Variants in ZFPM2 observed in about 807,000 individuals in gnomAD.
ZFPM2 encodes zinc finger protein ZFPM2.
Under a neutral mutation model 98.6 loss-of-function variants are expected in ZFPM2, and 20 were observed. That is an observed-to-expected ratio of 0.20 (90% CI 0.14 to 0.29). The LOEUF is 0.29. ZFPM2 is among the 10% of genes least tolerant of loss of function. The pLI is 1.00. For missense variants in ZFPM2, 1,310 were observed against 1,388.6 expected, an observed-to-expected ratio of 0.94 and a Z score of 0.90; for synonymous variants, 518 against 502.7, an observed-to-expected ratio of 1.03 and a Z score of -0.41.
At chr8:105,748,163 G>T (rs1043907802) in intron 5 of ZFPM2, among the ~76,000 whole-genome samples, 13 of 152,012 alleles carry the variant, frequency 8.6e-5, no homozygotes, top group Non-Finnish European at 1.8e-4. Context: ...TATGATAAAA[G>T]TTGGAAAGGA....
chr8:105,739,795 T>C (rs1472482703), intron 5 of ZFPM2, among the ~76,000 whole-genome samples: 1 of 151,900 alleles, frequency 6.6e-6, no homozygotes, highest in Admixed American at 6.6e-5. Flanking sequence ...TTAGGAGTAT[T>C]TCAAAAATGG....
chr8:105,405,811 G>A (rs1037514422), intron 1 of ZFPM2, among the ~76,000 whole-genome samples: 1 of 151,968 alleles, frequency 6.6e-6, no homozygotes, highest in Non-Finnish European at 1.5e-5. Flanking sequence ...GGGATGGCTG[G>A]GTCAAATGGT....
chr8:105,725,022 T>A (rs1811775251), intron 5 of ZFPM2, among the ~76,000 whole-genome samples: 1 of 151,858 alleles, frequency 6.6e-6, no homozygotes, highest in African/African-American at 2.4e-5. Flanking sequence ...CACATTTTTT[T>A]ATCTGCCTTT....
At chr8:105,696,254 C>T (rs1403480094) in intron 5 of ZFPM2, among the ~76,000 whole-genome samples, 2 of 152,184 alleles carry the variant, frequency 1.3e-5, no homozygotes, top group Non-Finnish European at 2.9e-5. Flanking sequence ...AGGTCGTATC[C>T]TGGGCAGTGA....
At chr8:105,719,892 T>G (rs1811616768) in intron 5 of ZFPM2, among the ~76,000 whole-genome samples, 1 of 151,916 alleles carries the variant, frequency 6.6e-6, no homozygotes, top group African/African-American at 2.4e-5. Context: ...CAAATTAAAT[T>G]TAACAGCCTT....
chr8:105,731,623 T>C (rs1811941727), intron 5 of ZFPM2, among the ~76,000 whole-genome samples: 2 of 151,490 alleles, frequency 1.3e-5, no homozygotes, highest in Admixed American at 6.6e-5. Context: ...TTACTGTAAA[T>C]AGAAAGTTTA....
chr8:105,393,337 C>CTGTCTTTCTTTCTTTCTTTCTTT (rs1554600680), intron 1 of ZFPM2, among the ~76,000 whole-genome samples: 27 of 114,844 alleles, frequency 2.4e-4, no homozygotes, highest in African/African-American at 8.3e-4. Context: ...TCTCTCTTTG[C>CTGTCTTTCTTTCTTTCTTTCTTT]CTTTCTTTCT....
intron 3 of ZFPM2, among the ~76,000 whole-genome samples, chr8:105,501,187 T>C (rs1364844375): frequency 1.3e-5 from 2 of 149,266 alleles, no homozygotes; most frequent in Non-Finnish European, 3.0e-5. Context: ...CTTTTCTCTT[T>C]TTTTTTTTTT....
chr8:105,503,462 AT>A (rs1813636445), intron 3 of ZFPM2, among the ~76,000 whole-genome samples: 2 of 152,308 alleles, frequency 1.3e-5, no homozygotes, highest in African/African-American at 4.8e-5. Context: ...CAATTTTGAC[AT>A]TTTGGGAAAA....
At chr8:105,553,528 A>C (rs1814912231) in intron 3 of ZFPM2, among the ~76,000 whole-genome samples, 1 of 152,158 alleles carries the variant, frequency 6.6e-6, no homozygotes, top group African/African-American at 2.4e-5. Flanking sequence ...TGAAAAGGGA[A>C]TGTTTCTATT....
At chr8:105,682,138 T>A (rs190460176) in intron 5 of ZFPM2, among the ~76,000 whole-genome samples, 2 of 152,202 alleles carry the variant, frequency 1.3e-5, no homozygotes. Flanking sequence ...TTCAAGCCAT[T>A]ACAAGCAATG....
chr8:105,398,062 T>A (rs1811258801), intron 1 of ZFPM2, among the ~76,000 whole-genome samples: 2 of 152,208 alleles, frequency 1.3e-5, no homozygotes, highest in African/African-American at 2.4e-5. Flanking sequence ...TTTAAAAAAA[T>A]TATAACAAAA....
intron 3 of ZFPM2, among the ~76,000 whole-genome samples, chr8:105,554,338 GGT>G (rs1172011636): frequency 6.6e-6 from 1 of 152,136 alleles, no homozygotes; most frequent in Non-Finnish European, 1.5e-5. Flanking sequence ...AACCCTCTTA[GGT>G]ATCTGGCAGG....
chr8:105,515,193 T>TA (rs1286936896), intron 3 of ZFPM2, among the ~76,000 whole-genome samples: 1 of 152,228 alleles, frequency 6.6e-6, no homozygotes, highest in Non-Finnish European at 1.5e-5. Flanking sequence ...TAACCATGTA[T>TA]TAATTTCAAA....
intron 5 of ZFPM2, among the ~76,000 whole-genome samples, chr8:105,714,269 A>T (rs1303367505): frequency 1.3e-5 from 2 of 151,678 alleles, no homozygotes; most frequent in East Asian, 3.9e-4. Flanking sequence ...CTCAGCTTGA[A>T]CCTCATTGGC....
At chr8:105,354,080 CT>C (rs1451858018) in intron 1 of ZFPM2, among the ~76,000 whole-genome samples, 1 of 152,154 alleles carries the variant, frequency 6.6e-6, no homozygotes, top group East Asian at 1.9e-4. Context: ...TGATAGCTTA[CT>C]TAAGGAGGCT....
chr8:105,624,511 T>C (rs1479150716), intron 4 of ZFPM2, among the ~76,000 whole-genome samples: 5 of 152,298 alleles, frequency 3.3e-5, no homozygotes, highest in Admixed American at 1.3e-4. Context: ...GAAAGTATAA[T>C]AAATATCTGA....
intron 3 of ZFPM2, among the ~76,000 whole-genome samples, chr8:105,527,706 A>G (rs1039120104): frequency 1.3e-5 from 2 of 152,202 alleles, no homozygotes; most frequent in African/African-American, 2.4e-5. Context: ...TGTGATTCAA[A>G]GTGTTCCAGT....
intron 5 of ZFPM2, among the ~76,000 whole-genome samples, chr8:105,683,846 G>T (rs1300527977): frequency 2.6e-5 from 4 of 152,076 alleles, no homozygotes; most frequent in Non-Finnish European, 2.9e-5. Flanking sequence ...CGTGTGTTTA[G>T]CACTAGAATT....
Sources: allele counts gnomAD v4.1 joint callset (sites outside exome capture counted in the v4.1 genomes callset), GRCh38; gene constraint gnomAD v4.1.1; transcripts MANE v1.5; gene names NCBI Gene and HGNC (gene_info 2026-07-23, HGNC 2026-07-21).